The following PLA2G4C variants were observed in gnomAD, a reference collection of about 807,000 sequenced individuals.
PLA2G4C encodes phospholipase A2 group IVC.
A neutral mutation model predicts 73.8 loss-of-function variants in PLA2G4C; 64 were observed. That is an observed-to-expected ratio of 0.87 (90% CI 0.71 to 1.07). PLA2G4C has a LOEUF of 1.07. Ranked by LOEUF, PLA2G4C falls within the 50% of genes least tolerant of loss-of-function variation. The pLI is 0.00. For missense variants in PLA2G4C, 622 were observed against 665.4 expected (o/e 0.93, Z 0.72); for synonymous variants, 254 against 252.1 (o/e 1.01, Z -0.07).
intron 3 of PLA2G4C, among the ~76,000 whole-genome samples, chr19:48,104,958 C>A (rs1266438605): frequency 6.6e-6 from 1 of 151,948 alleles, no homozygotes; most frequent in Non-Finnish European, 1.5e-5. Context: ...TGGCACACAC[C>A]TGTAATCCCA....
intron 2 of PLA2G4C, among the ~76,000 whole-genome samples, chr19:48,105,921 CCCT>C (rs1568457425): frequency 3.9e-4 from 6 of 15,202 alleles, no homozygotes; most frequent in African/African-American, 2.5e-3. Flanking sequence ...CTCCCTCCCT[CCCT>C]CCCTCCCTCC....
intron 10 of PLA2G4C, among the ~76,000 whole-genome samples, chr19:48,084,045 TGTGTGTG>T (rs1057218802): frequency 7.0e-5 from 6 of 85,882 alleles, no homozygotes; most frequent in African/African-American, 3.3e-4. Context: ...CAATTTTGTG[TGTGTGTG>T]TGTGTGTGTG....
chr19:48,054,241 G>A (rs1967840944), intron 15 of PLA2G4C, among the ~76,000 whole-genome samples: 2 of 152,160 alleles, frequency 1.3e-5, no homozygotes, highest in Non-Finnish European at 2.9e-5. Context: ...TTGAAGCATG[G>A]AAGTGGTTAC....
chr19:48,088,842 C>T, intron 8 of PLA2G4C, 130 bp from the exon 9 acceptor site: 1 of 747,576 alleles, frequency 1.3e-6, no homozygotes, highest in South Asian at 1.6e-5. Context: ...CCAATGGCAG[C>T]CAATGGCTCT....
intron 4 of PLA2G4C, among the ~76,000 whole-genome samples, chr19:48,100,274 T>C (rs2031826424): frequency 6.6e-6 from 1 of 152,068 alleles, no homozygotes. Flanking sequence ...CCCAGCACTT[T>C]GGGAGGACGA....
rs1555756540 is a variant in PLA2G4C at position 48,107,350 on chromosome 19, T to TAAAATA, written c.-32-790_-32-789insTATTTT. Among the ~76,000 whole-genome samples, 512 of 151,500 alleles carry TAAAATA rather than the reference T, an allele frequency of 3.4e-3. 4 individuals are homozygous for TAAAATA. The highest frequency in any genetic ancestry group is 0.012 in the African/African-American group (482 of 41,308). ...TATCTCAAAGACAATTTCTTTTTTTTAAAACAAAAACAAAACGAAACATTA... is the reference window on the plus strand; with the variant it reads ...TATCTCAAAGACAATTTCTTTTTTTTAAAATAAAAACAAAAACAAAACGAAACATTA... On this transcript the variant is annotated intron_variant, in intron 1 of 16. Coordinates refer to ENST00000599921, the MANE Select transcript of PLA2G4C (RefSeq NM_003706.3).
At chr19:48,089,928 G>C (rs759724770) in intron 8 of PLA2G4C, among the ~76,000 whole-genome samples, 1 of 152,166 alleles carries the variant, frequency 6.6e-6, no homozygotes, top group Non-Finnish European at 1.5e-5. Flanking sequence ...AAAAGCGTCT[G>C]CCTCTTAGGG....
chr19:48,067,728 C>A, intron 13 of PLA2G4C, 63 bp downstream of exon 13: 1 of 1,093,928 alleles, frequency 9.1e-7, no homozygotes, highest in Admixed American at 1.7e-5. Context: ...CCACCCCCTT[C>A]CCCTACTCCA....
At chr19:48,085,251 ATATT>A in intron 9 of PLA2G4C, 139 bp from the exon 10 acceptor site, 1 of 666,554 alleles carries the variant, frequency 1.5e-6, no homozygotes. Context: ...CATTCCATAA[ATATT>A]TATGAAGCAA....
chr19:48,054,365 G>A (rs756313569), intron 15 of PLA2G4C, among the ~76,000 whole-genome samples: 4 of 151,948 alleles, frequency 2.6e-5, no homozygotes, highest in Non-Finnish European at 2.9e-5. Context: ...GTGCAGGAGC[G>A]CGATCTCAGC....
At chr19:48,084,351 C>T (rs1052561416) in intron 10 of PLA2G4C, among the ~76,000 whole-genome samples, 15 of 151,478 alleles carry the variant, frequency 9.9e-5, no homozygotes, top group African/African-American at 1.2e-4. Flanking sequence ...TGAGCCACTG[C>T]GCCGGGCCAG....
chr19:48,064,053 T>C (rs1427785604), intron 13 of PLA2G4C: 1 of 152,104 alleles, frequency 6.6e-6, no homozygotes, highest in African/African-American at 2.4e-5. Flanking sequence ...TTTTGTTATA[T>C]ATAGGAAAAC....
chr19:48,069,183 G>A (rs35930291), intron 12 of PLA2G4C, among the ~76,000 whole-genome samples: 39,134 of 151,860 alleles, frequency 0.26, 5,315 homozygotes, highest in East Asian at 0.48. Flanking sequence ...GGTCCTGGCC[G>A]TCAGATCCAG....
At chr19:48,057,621 C>G (rs1968006444) in intron 14 of PLA2G4C, among the ~76,000 whole-genome samples, 1 of 149,242 alleles carries the variant, frequency 6.7e-6, no homozygotes, top group African/African-American at 2.5e-5. Context: ...CCACTAGCAG[C>G]TGGGATTACA....
intron 6 of PLA2G4C, chr19:48,097,136 CAA>C (rs1161207939): frequency 7.7e-6 from 1 of 130,598 alleles, no homozygotes; most frequent in Non-Finnish European, 1.6e-5. Context: ...ACCTGGGCAA[CAA>C]GAGAGAAACT....
At chr19:48,058,688 G>A (rs1017562640) in intron 14 of PLA2G4C, among the ~76,000 whole-genome samples, 1 of 150,670 alleles carries the variant, frequency 6.6e-6, no homozygotes, top group African/African-American at 2.4e-5. Flanking sequence ...CATGGTGGCG[G>A]GCGCCTGTAA....
chr19:48,053,371 T>C (rs373647188), intron 15 of PLA2G4C, among the ~76,000 whole-genome samples: 3,817 of 144,824 alleles, frequency 0.026, 62 homozygotes, highest in Non-Finnish European at 0.04. Context: ...TTTCTTTTTT[T>C]TTTTTTTTTT....
At chr19:48,090,278 C>T in intron 8 of PLA2G4C, 86 bp downstream of exon 8, 2 of 966,962 alleles carry the variant, frequency 2.1e-6, no homozygotes, top group Non-Finnish European at 3.4e-6. Flanking sequence ...ACAGGTCTCT[C>T]TTCTGCCATG....
chr19:48,090,902 G>A (rs1057318540), intron 7 of PLA2G4C, among the ~76,000 whole-genome samples: 1 of 152,144 alleles, frequency 6.6e-6, no homozygotes, highest in African/African-American at 2.4e-5. Context: ...CTACTTGGGA[G>A]GCTGAGGCAG....
Sources: allele counts gnomAD v4.1 joint callset (sites outside exome capture counted in the v4.1 genomes callset), GRCh38; gene constraint gnomAD v4.1.1; transcripts MANE v1.5; gene names NCBI Gene and HGNC (gene_info 2026-07-23, HGNC 2026-07-21).